SCFD2: variants seen among roughly 807,000 people sequenced by gnomAD.
SCFD2 encodes the protein sec1 family domain containing 2.
Under a neutral mutation model 58.9 loss-of-function variants are expected in SCFD2, and 54 were observed. The observed-to-expected ratio is 0.92, with a 90% CI of 0.74 to 1.15. The LOEUF (loss-of-function observed/expected upper bound fraction) is 1.15. Ranked by LOEUF, SCFD2 falls within the 50% of genes most tolerant of loss-of-function variation. SCFD2 has a pLI of 0.00. For missense variants in SCFD2, 805 were observed against 836.6 expected (o/e 0.96, Z 0.47); for synonymous variants, 321 against 335.9 (o/e 0.96, Z 0.49).
intron 5 of SCFD2, among the ~76,000 whole-genome samples, chr4:53,037,062 G>A (rs1722782473): frequency 6.6e-6 from 1 of 152,026 alleles, no homozygotes; most frequent in African/African-American, 2.4e-5. Flanking sequence ...AAAACTCATA[G>A]CAGTTCACTT....
intron 6 of SCFD2, among the ~76,000 whole-genome samples, chr4:52,909,184 T>C (rs542512314): frequency 1.3e-5 from 2 of 152,324 alleles, no homozygotes; most frequent in African/African-American, 2.4e-5. Flanking sequence ...GCATTCAACA[T>C]AGCAATCACA....
intron 4 of SCFD2, among the ~76,000 whole-genome samples, chr4:53,152,873 C>T (rs553867238): frequency 6.6e-6 from 1 of 152,314 alleles, no homozygotes; most frequent in African/African-American, 2.4e-5. Flanking sequence ...AAGTCTAAAA[C>T]CCAGCAGGGC....
chr4:52,912,455 C>T (rs187654367), intron 6 of SCFD2, among the ~76,000 whole-genome samples: 216 of 151,584 alleles, frequency 1.4e-3, no homozygotes, highest in African/African-American at 4.7e-3. Flanking sequence ...GCATAGTAAA[C>T]GATGTAAATA....
rs112973461 is a variant in SCFD2 at position 53,143,488 on chromosome 4, G to A, written c.1561+1845C>T. Among the ~76,000 whole-genome samples, 1,411 of 152,256 alleles carry A rather than the reference G, an allele frequency of 9.3e-3. 26 individuals carry two copies. Among genetic ancestry groups the A allele is most frequent in the African/African-American group, 0.032 (1,337 of 41,540 alleles). ...AATGGCTTTAAGTTTTTCTTAAATGGATTTTAAGTTGGCAAATAGGTTTTA... is the reference window on the plus strand; with the variant it reads ...AATGGCTTTAAGTTTTTCTTAAATGAATTTTAAGTTGGCAAATAGGTTTTA... On this transcript the variant is annotated intron_variant, in intron 5 of 8. Transcript: ENST00000401642.
chr4:52,890,915 T>C (rs1244337964), intron 7 of SCFD2, among the ~76,000 whole-genome samples: 1 of 152,150 alleles, frequency 6.6e-6, no homozygotes, highest in Non-Finnish European at 1.5e-5. Flanking sequence ...GGGATCCTGA[T>C]TCCTCCTCCA....
chr4:53,342,494 A>C (rs941458483), intron 2 of SCFD2, among the ~76,000 whole-genome samples: 14 of 152,308 alleles, frequency 9.2e-5, no homozygotes, highest in Admixed American at 2.0e-4. Context: ...CTTAGACTCC[A>C]ACACAATAAT....
At chr4:53,022,274 G>A (rs1393159802) in intron 5 of SCFD2, among the ~76,000 whole-genome samples, 6 of 152,140 alleles carry the variant, frequency 3.9e-5, no homozygotes, top group Admixed American at 3.9e-4. Context: ...TAAATTGATA[G>A]TGACAAAGAA....
intron 1 of SCFD2, among the ~76,000 whole-genome samples, chr4:53,360,998 C>A (rs1360643474): frequency 2.0e-4 from 31 of 152,140 alleles, no homozygotes; most frequent in Admixed American, 2.0e-3. Flanking sequence ...CCCCTTTCAA[C>A]ATTAAATATT....
chr4:53,217,021 T>C (rs866632931), intron 4 of SCFD2, among the ~76,000 whole-genome samples: 4 of 152,230 alleles, frequency 2.6e-5, no homozygotes, highest in Admixed American at 6.5e-5. Flanking sequence ...CAGTTTGTTA[T>C]AATTTCTGTT....
chr4:53,048,691 T>A (rs974688093), intron 5 of SCFD2, among the ~76,000 whole-genome samples: 2 of 152,226 alleles, frequency 1.3e-5, no homozygotes, highest in Non-Finnish European at 1.5e-5. Flanking sequence ...CAGGGAGCTG[T>A]GTATCTCAAA....
chr4:53,324,714 C>T (rs1310865723), intron 2 of SCFD2, among the ~76,000 whole-genome samples: 1 of 151,986 alleles, frequency 6.6e-6, no homozygotes, highest in Non-Finnish European at 1.5e-5. Context: ...TTGTCCGGTA[C>T]ATGGCGCTGG....
rs534085932 is a variant in SCFD2, at chr4:52,940,944, C to T, written c.1562-20074G>A. 2.0e-5 allele frequency among the ~76,000 whole-genome samples: 3 copies of T among 152,264 alleles called. No homozygotes were observed. The South Asian group carries it at 6.2e-4, about 32-fold the overall frequency. On this transcript the variant is annotated intron_variant, in intron 5 of 8. Transcript: ENST00000401642. ...CCCTTCTGATCCTGTGCCTGGTAAACTCTCCTTCTCTCTGATATATCAGCT... is the reference window on the plus strand; with the variant it reads ...CCCTTCTGATCCTGTGCCTGGTAAATTCTCCTTCTCTCTGATATATCAGCT...
intron 4 of SCFD2, among the ~76,000 whole-genome samples, chr4:53,171,837 T>C (rs1326678317): frequency 6.6e-6 from 1 of 151,986 alleles, no homozygotes; most frequent in Non-Finnish European, 1.5e-5. Context: ...TCACCTTCAA[T>C]GTCTTCTCGT....
At chr4:53,102,981 T>A (rs1210439108) in intron 5 of SCFD2, among the ~76,000 whole-genome samples, 1 of 152,064 alleles carries the variant, frequency 6.6e-6, no homozygotes, top group Non-Finnish European at 1.5e-5. Context: ...AAGGAAAGGC[T>A]CTTCCTTCTG....
At chr4:52,903,776 T>A (rs1322433437) in intron 7 of SCFD2, among the ~76,000 whole-genome samples, 2 of 152,248 alleles carry the variant, frequency 1.3e-5, no homozygotes, top group African/African-American at 4.8e-5. Context: ...TGTTCTATTC[T>A]TTTTCATTTA....
At chr4:52,966,355 G>C (rs1183428389) in intron 5 of SCFD2, among the ~76,000 whole-genome samples, 1 of 152,214 alleles carries the variant, frequency 6.6e-6, no homozygotes, top group Admixed American at 6.5e-5. Flanking sequence ...TTGATGACCT[G>C]AGTCCTTTCC....
intron 4 of SCFD2, among the ~76,000 whole-genome samples, chr4:53,254,992 C>T: frequency 6.6e-6 from 1 of 150,494 alleles, no homozygotes; most frequent in East Asian, 1.9e-4. Context: ...CCTGCCTCAG[C>T]CTCCCCAGCA....
At chr4:53,088,450 G>A (rs1724376247) in intron 5 of SCFD2, among the ~76,000 whole-genome samples, 1 of 152,228 alleles carries the variant, frequency 6.6e-6, no homozygotes, top group East Asian at 1.9e-4. Flanking sequence ...GGGCCTGGAA[G>A]GAGCATCAAG....
intron 2 of SCFD2, among the ~76,000 whole-genome samples, chr4:53,327,096 G>A (rs1187762786): frequency 1.1e-4 from 16 of 152,050 alleles, no homozygotes. Flanking sequence ...CAGCAGCAGA[G>A]TTCATGTAAT....
Sources: gnomAD v4.1 joint callset for allele counts (sites outside exome capture counted in the v4.1 genomes callset) on GRCh38, gnomAD v4.1.1 for gene constraint, MANE v1.5 for transcripts, NCBI Gene and HGNC (gene_info 2026-07-23, HGNC 2026-07-21) for gene names.